The following CABLES1 variants were observed in gnomAD, a reference collection of about 807,000 sequenced individuals.
CABLES1 encodes CDK5 and ABL1 enzyme substrate 1.
CABLES1 carries 36 observed loss-of-function variants against 57.8 expected under a neutral mutation model. The ratio of observed to expected loss-of-function variants is 0.62; its 90% CI spans 0.48 to 0.82. The LOEUF (loss-of-function observed/expected upper bound fraction) is 0.82. CABLES1 is among the 40% of genes least tolerant of loss of function. CABLES1 has a pLI of 0.00. For missense variants in CABLES1, 767 were observed against 836.6 expected (o/e 0.92, Z 1.03); for synonymous variants, 374 against 363.0 (o/e 1.03, Z -0.35).
At chr18:23,166,597 T>G (rs2047044476) in intron 1 of CABLES1, among the ~76,000 whole-genome samples, 1 of 152,222 alleles carries the variant, frequency 6.6e-6, no homozygotes, top group African/African-American at 2.4e-5. Context: ...GAAATTCAAA[T>G]TACGCATAAA....
chr18:23,229,272 TG>T (rs1387762499), intron 4 of CABLES1, among the ~76,000 whole-genome samples: 2 of 150,982 alleles, frequency 1.3e-5, no homozygotes, highest in Non-Finnish European at 3.0e-5. Flanking sequence ...ATTACCCGGG[TG>T]TGGTGGCAGG....
intron 1 of CABLES1, among the ~76,000 whole-genome samples, chr18:23,174,528 G>A (rs933981335): frequency 2.0e-5 from 3 of 151,622 alleles, no homozygotes; most frequent in African/African-American, 7.3e-5. Flanking sequence ...CTGGAGTGCA[G>A]TGGCACGATC....
chr18:23,213,914 G>T lies in CABLES1; in HGVS notation c.1011-63G>T, dbSNP rs1386382463. On this transcript the variant is annotated intron_variant, in intron 3 of 9. Coordinates refer to ENST00000256925, the MANE Select transcript of CABLES1 (RefSeq NM_001100619.3). ...TGAATGCTTAATTGCTATAGATTTT[G>T]TTTTTTAGTTTGATTCTTTGCATTT... The T allele has an allele frequency of 3.6e-6, 4 of 1,122,644 alleles. No homozygotes were observed. The Admixed American group carries it at 5.9e-5, about 17-fold the overall frequency. 69.5% of individuals were successfully genotyped at this position (1,122,644 alleles called of 1,614,324 possible).
intron 7 of CABLES1, among the ~76,000 whole-genome samples, chr18:23,250,682 G>A (rs1394286211): frequency 6.6e-6 from 1 of 152,198 alleles, no homozygotes; most frequent in East Asian, 1.9e-4. Context: ...GGTCCTTGCA[G>A]GGCATGTGGT....
chr18:23,139,384 CAAGAGTGA>C (rs2144945946), intron 1 of CABLES1, among the ~76,000 whole-genome samples: 1 of 105,262 alleles, frequency 9.5e-6, no homozygotes, highest in Admixed American at 1.3e-4. Flanking sequence ...GCCTGGGCAA[CAAGAGTGA>C]AACTCCATCT....
chr18:23,183,423 T>C (rs1315425622), intron 1 of CABLES1, among the ~76,000 whole-genome samples: 1 of 152,260 alleles, frequency 6.6e-6, no homozygotes, highest in African/African-American at 2.4e-5. Context: ...CACGTAGGAA[T>C]ATCCAGATGT....
intron 4 of CABLES1, among the ~76,000 whole-genome samples, chr18:23,231,886 G>A (rs950323815): frequency 5.9e-5 from 9 of 152,128 alleles, no homozygotes; most frequent in African/African-American, 2.4e-5. Flanking sequence ...CACATTTGGC[G>A]GCAGGCAGAC....
At chr18:23,226,297 G>T (rs982948228) in intron 4 of CABLES1, among the ~76,000 whole-genome samples, 2 of 152,060 alleles carry the variant, frequency 1.3e-5, no homozygotes, top group Admixed American at 1.3e-4. Context: ...AGCTACTCGG[G>T]AGGCTGAGGC....
intron 1 of CABLES1, chr18:23,155,877 T>C: frequency 6.2e-7 from 1 of 1,613,694 alleles, no homozygotes; most frequent in East Asian, 2.2e-5. Context: ...TTTGGAGTGG[T>C]CTGAAGCCTC....
At chr18:23,154,746 A>AGCCCATCCTCTCCCAC (rs2046954895) in intron 1 of CABLES1, among the ~76,000 whole-genome samples, 2 of 152,174 alleles carry the variant, frequency 1.3e-5, no homozygotes, top group Non-Finnish European at 2.9e-5. Flanking sequence ...TTCTAACGGA[A>AGCCCATCCTCTCCCAC]GCCCATCCTC....
intron 1 of CABLES1, among the ~76,000 whole-genome samples, chr18:23,153,460 G>A (rs770538378): frequency 6.6e-6 from 1 of 152,076 alleles, no homozygotes; most frequent in Non-Finnish European, 1.5e-5. Context: ...GGGGCTGGGT[G>A]CAGTGGCTCA....
chr18:23,182,735 CT>C (rs1268277964), intron 1 of CABLES1, among the ~76,000 whole-genome samples: 3 of 152,250 alleles, frequency 2.0e-5, no homozygotes, highest in Non-Finnish European at 4.4e-5. Flanking sequence ...GAGCTTTCCC[CT>C]GGGTGCCCAC....
intron 1 of CABLES1, among the ~76,000 whole-genome samples, chr18:23,149,522 T>G (rs1039031924): frequency 9.2e-5 from 14 of 152,164 alleles, no homozygotes; most frequent in Admixed American, 6.6e-5. Flanking sequence ...GCTCAAGCAG[T>G]GTACCCACCT....
rs1198818008 is a variant in CABLES1 at position 23,214,072 on chromosome 18, T to C, written c.1088+18T>C. On this transcript the variant is annotated intron_variant, in intron 4 of 9. Transcript: ENST00000256925. The stretch of plus-strand genomic sequence containing the variant: ...CAAGTCGGGTATGTATATGCATGCA[T>C]GCTTTGTAGTTCTCTGGGTGAAAAG... 6.4e-7 allele frequency: 1 copy of C among 1,556,180 alleles called. No homozygotes were observed. Among genetic ancestry groups the C allele is most frequent in the Admixed American group, 1.7e-5 (1 of 57,372 alleles).
At chr18:23,159,616 C>G (rs942913617) in intron 1 of CABLES1, among the ~76,000 whole-genome samples, 3 of 152,112 alleles carry the variant, frequency 2.0e-5, no homozygotes, top group African/African-American at 7.2e-5. Context: ...CTGCCCGAGG[C>G]GACGGGACGA....
At chr18:23,144,823 C>T (rs553141744) in intron 1 of CABLES1, among the ~76,000 whole-genome samples, 22 of 152,296 alleles carry the variant, frequency 1.4e-4, no homozygotes, top group African/African-American at 4.6e-4. Flanking sequence ...GGAATATTTA[C>T]ACCACAGGAA....
intron 3 of CABLES1, among the ~76,000 whole-genome samples, chr18:23,210,332 C>T (rs16977617): frequency 0.012 from 1,752 of 152,170 alleles, 39 homozygotes; most frequent in African/African-American, 0.04. Flanking sequence ...ATGATTTGGG[C>T]TTTTTGCATG....
At position 23,222,794 on chromosome 18, in the gene CABLES1, G is replaced by A. The variant is rs146535261; in HGVS notation, c.1088+8740G>A. Among the ~76,000 whole-genome samples, 72 of 152,240 alleles carry A rather than the reference G, an allele frequency of 4.7e-4. 1 individual carries two copies. The East Asian group carries it at 0.013, about 27-fold the overall frequency. On this transcript the variant is annotated intron_variant, in intron 4 of 9. Coordinates refer to ENST00000256925, the MANE Select transcript of CABLES1 (RefSeq NM_001100619.3). ...AGGAAGGCCCAGAAGGTGCTAACACGGATGAGCTGACATGGACCTCAGGGT... is the reference window on the plus strand; with the variant it reads ...AGGAAGGCCCAGAAGGTGCTAACACAGATGAGCTGACATGGACCTCAGGGT...
chr18:23,247,750 A>G (rs1043111627), intron 7 of CABLES1, among the ~76,000 whole-genome samples: 3 of 152,246 alleles, frequency 2.0e-5, no homozygotes, highest in Non-Finnish European at 2.9e-5. Flanking sequence ...AAGCAGGGAC[A>G]AAAGCAAGAC....
Sources: allele counts gnomAD v4.1 joint callset (sites outside exome capture counted in the v4.1 genomes callset), GRCh38; gene constraint gnomAD v4.1.1; transcripts MANE v1.5; gene names NCBI Gene and HGNC (gene_info 2026-07-23, HGNC 2026-07-21).